Variants in PLCG2 observed in about 807,000 individuals in gnomAD.
The protein encoded by PLCG2 is 1-phosphatidylinositol 4,5-bisphosphate phosphodiesterase gamma-2.
A neutral mutation model predicts 175.6 loss-of-function variants in PLCG2; 69 were observed. The ratio of observed to expected loss-of-function variants is 0.39; its 90% confidence interval spans 0.32 to 0.48. PLCG2 has a LOEUF of 0.48. Ranked by LOEUF, PLCG2 falls within the 20% of genes least tolerant of loss-of-function variation. PLCG2 has a pLI of 0.91. For missense variants in PLCG2, 1,798 were observed against 1,650.9 expected (o/e 1.09, Z -1.54); for synonymous variants, 827 against 624.0 (o/e 1.33, Z -4.85).
At position 81,858,248 on chromosome 16, in the gene PLCG2, C is replaced by G; in HGVS notation, c.338-15C>G. The G allele has an allele frequency of 1.9e-6, 3 of 1,578,716 alleles. No homozygotes were observed. The highest frequency in any genetic ancestry group is 2.6e-6 in the Non-Finnish European group (3 of 1,147,648). On this transcript the variant is annotated splice_polypyrimidine_tract_variant and intron_variant, in intron 3 of 32. Coordinates refer to ENST00000564138, the MANE Select transcript of PLCG2 (RefSeq NM_002661.5). ...GGAATTAACACAGCATTTCTGTTCC[C>G]TTTCTCCACTCCAGCTGACTCTAAA...
chr16:81,848,248 G>A (rs1260696576), intron 2 of PLCG2, among the ~76,000 whole-genome samples: 1 of 152,242 alleles, frequency 6.6e-6, no homozygotes, highest in African/African-American at 2.4e-5. Context: ...CATTTCAGAA[G>A]TATGATGAAT....
chr16:81,944,589 C>T (rs1911077471), intron 30 of PLCG2, among the ~76,000 whole-genome samples: 1 of 152,154 alleles, frequency 6.6e-6, no homozygotes, highest in Non-Finnish European at 1.5e-5. Context: ...CTCAGTCTTC[C>T]TAGTAGCTGG....
At chr16:81,871,750 A>T (rs1907526798) in intron 7 of PLCG2, among the ~76,000 whole-genome samples, 1 of 151,974 alleles carries the variant, frequency 6.6e-6, no homozygotes, top group Non-Finnish European at 1.5e-5. Flanking sequence ...CATCCTGGGG[A>T]CTCTGTTTTA....
chr16:81,926,047 A>T (rs1368690128), intron 22 of PLCG2, among the ~76,000 whole-genome samples: 1 of 151,580 alleles, frequency 6.6e-6, no homozygotes, highest in Non-Finnish European at 1.5e-5. Context: ...GTCAGGGAAG[A>T]CTCCGTGGGA....
intron 3 of PLCG2, among the ~76,000 whole-genome samples, chr16:81,857,588 C>G (rs1169917841): frequency 6.6e-6 from 1 of 152,130 alleles, no homozygotes; most frequent in Non-Finnish European, 1.5e-5. Flanking sequence ...CATGTGCTCA[C>G]ATGGCTTTTC....
At chr16:81,875,581 C>T (rs1292614178) in intron 7 of PLCG2, among the ~76,000 whole-genome samples, 3 of 152,232 alleles carry the variant, frequency 2.0e-5, no homozygotes, top group African/African-American at 7.2e-5. Flanking sequence ...TTGTCACTGC[C>T]CTCACCCAAG....
chr16:81,906,802 G>A (rs1045477628), intron 15 of PLCG2, among the ~76,000 whole-genome samples: 12 of 152,182 alleles, frequency 7.9e-5, no homozygotes, highest in Admixed American at 6.5e-4. Context: ...CACCTTGGGA[G>A]GCCGAGGAAG....
chr16:81,928,639 C>T lies in PLCG2; in HGVS notation c.2581+15C>T. On this transcript the variant is annotated intron_variant, in intron 24 of 32. Coordinates refer to ENST00000564138, the MANE Select transcript of PLCG2 (RefSeq NM_002661.5). ...CTATAACGTCGGTACGTGCACACAT[C>T]ATCTTAGCCTGGATTTCCACCCCTA... The T allele has an allele frequency of 6.4e-7, 1 of 1,569,910 alleles. No individual in the cohort carries two copies. The highest frequency in any genetic ancestry group is 8.8e-7 in the Non-Finnish European group (1 of 1,139,796).
At position 81,852,669 on chromosome 16, in the gene PLCG2, C is replaced by G. The variant is rs376075686; in HGVS notation, c.194-1775C>G. 1.2e-4 allele frequency among the ~76,000 whole-genome samples: 18 copies of G among 152,314 alleles called. No homozygotes were observed. In the South Asian group the frequency reaches 3.3e-3, roughly 28 times the overall value. ...AGGATTTCTTACTTGTTTCTGTTATCTATTGCTATACAACAAACTATCCCA... is the reference window on the plus strand; with the variant it reads ...AGGATTTCTTACTTGTTTCTGTTATGTATTGCTATACAACAAACTATCCCA... On this transcript the variant is annotated intron_variant, in intron 2 of 32. Transcript: ENST00000564138.
intron 5 of PLCG2, 97 bp from the exon 6 acceptor site, chr16:81,869,117 A>G: frequency 3.5e-6 from 3 of 847,228 alleles, no homozygotes; most frequent in Non-Finnish European, 6.0e-6. Context: ...AGGCTCTCTC[A>G]TAGAGGGCTG....
chr16:81,891,356 T>C, intron 10 of PLCG2, 116 bp from the exon 11 acceptor site: 1 of 711,286 alleles, frequency 1.4e-6, no homozygotes, highest in Non-Finnish European at 2.6e-6. Context: ...GGAGACCGCC[T>C]GTTGATTTCC....
intron 2 of PLCG2, among the ~76,000 whole-genome samples, chr16:81,791,306 G>T (rs1290035507): frequency 6.6e-6 from 1 of 152,150 alleles, no homozygotes. Flanking sequence ...GGAGCTGCTT[G>T]GGTGGAGTTT....
rs1284304193 is a variant in PLCG2 at position 81,961,376 on chromosome 16, T to C, written c.*3378T>C. On this transcript the variant is annotated 3_prime_UTR_variant, in exon 33 of 33. Transcript: ENST00000564138. ...AAGCCCTCTTTATCTCATTAAGTGA[T>C]ACATTTCCAAAGAAGTTTTACTATG... 1 of 226,448 alleles carries C rather than the reference T, an allele frequency of 4.4e-6. No individual in the cohort carries two copies. The highest frequency in any genetic ancestry group is 2.2e-5 in the African/African-American group (1 of 45,002). 14.0% of individuals were successfully genotyped at this position (226,448 alleles called of 1,614,324 possible).
At chr16:81,751,012 C>T in intron 1 of PLCG2, among the ~76,000 whole-genome samples, 1 of 110,256 alleles carries the variant, frequency 9.1e-6, no homozygotes. Context: ...CAGAGTTTCA[C>T]TCTTGTTGTC....
intron 5 of PLCG2, among the ~76,000 whole-genome samples, chr16:81,865,175 C>G (rs534424912): frequency 6.6e-6 from 1 of 152,124 alleles, no homozygotes; most frequent in African/African-American, 2.4e-5. Context: ...GGCCTTTGTT[C>G]CCTTGCGTGG....
intron 2 of PLCG2, among the ~76,000 whole-genome samples, chr16:81,844,168 G>GTTTTTTTTTTTTTTTTCTTTTT: frequency 1.3e-5 from 1 of 79,220 alleles, no homozygotes; most frequent in Non-Finnish European, 2.8e-5. Context: ...TTTTTTTTTG[G>GTTTTTTTTTTTTTTTTCTTTTT]TATTTTTAGT....
chr16:81,942,304 C>T (rs1910975294), intron 30 of PLCG2, among the ~76,000 whole-genome samples: 1 of 152,170 alleles, frequency 6.6e-6, no homozygotes, highest in Non-Finnish European at 1.5e-5. Flanking sequence ...CTGCAGAATG[C>T]AATGACTTAG....
intron 20 of PLCG2, 46 bp downstream of exon 20, chr16:81,919,710 G>C (rs1308653620): frequency 1.3e-6 from 2 of 1,517,448 alleles, no homozygotes; most frequent in Admixed American, 3.4e-5. Context: ...TCTTGTCTGA[G>C]GTTGTAACTC....
chr16:81,742,617 G>A (rs1327107548), intron 1 of PLCG2, among the ~76,000 whole-genome samples: 1 of 152,204 alleles, frequency 6.6e-6, no homozygotes, highest in Non-Finnish European at 1.5e-5. Flanking sequence ...GGGAACTGGG[G>A]TGGACAGGAG....
Sources: gnomAD v4.1 joint callset for allele counts (sites outside exome capture counted in the v4.1 genomes callset) on GRCh38, gnomAD v4.1.1 for gene constraint, MANE v1.5 for transcripts, NCBI Gene and HGNC (gene_info 2026-07-23, HGNC 2026-07-21) for gene names.